The following FAM161A variants were observed in gnomAD, a reference collection of about 807,000 sequenced individuals.
FAM161A encodes the protein protein FAM161A.
FAM161A carries 57 observed loss-of-function variants against 70.9 expected under a neutral mutation model. The observed-to-expected ratio is 0.80, with a 90% CI of 0.65 to 1.00. The LOEUF (loss-of-function observed/expected upper bound fraction) is 1.00. FAM161A is among the 50% of genes least tolerant of loss of function. The probability of loss-of-function intolerance (pLI) is 0.00; values close to 1 mark genes in which losing one functional copy is unlikely to be tolerated. For synonymous variants in FAM161A, 299 were observed against 295.7 expected, an observed-to-expected ratio of 1.01 and a Z score of -0.12; for missense variants, 880 against 836.0, an observed-to-expected ratio of 1.05 and a Z score of -0.65.
the FAM161A span, among the ~76,000 whole-genome samples, chr2:61,819,670 CTTGTTT>C: frequency 6.6e-6 from 1 of 151,940 alleles, no homozygotes; most frequent in Non-Finnish European, 1.5e-5. Flanking sequence ...TATTTTGATT[CTTGTTT>C]TTGTTTCCCA....
chr2:61,834,387 C>T (rs1344538046), intron 5 of FAM161A, among the ~76,000 whole-genome samples: 1 of 151,866 alleles, frequency 6.6e-6, no homozygotes, highest in Non-Finnish European at 1.5e-5. Flanking sequence ...GGGTTGAAAA[C>T]CTACCTATTG....
At position 61,826,438 on chromosome 2, in the gene FAM161A, G is replaced by A. The variant is rs774744427; in HGVS notation, c.*17C>T. ...CTGCAAACAACAGCAAGGGCATAGAGAGGAGACCTTGATGATTCAGTGTGA... is the reference window on the plus strand; with the variant it reads ...CTGCAAACAACAGCAAGGGCATAGAAAGGAGACCTTGATGATTCAGTGTGA... On this transcript the variant is annotated 3_prime_UTR_variant, in exon 7 of 7. Coordinates refer to ENST00000404929, the MANE Select transcript of FAM161A (RefSeq NM_001201543.2). 1 of 1,611,396 alleles carries A rather than the reference G, an allele frequency of 6.2e-7. No homozygotes were observed. The highest frequency in any genetic ancestry group is 1.1e-5 in the South Asian group (1 of 90,510).
At chr2:61,832,249 AC>A (rs201304640) in intron 5 of FAM161A, among the ~76,000 whole-genome samples, 7 of 148,982 alleles carry the variant, frequency 4.7e-5, no homozygotes, top group Non-Finnish European at 3.0e-5. Context: ...TCACACACAC[AC>A]AAAAAAAAAC....
the FAM161A span, among the ~76,000 whole-genome samples, chr2:61,805,842 T>C: frequency 6.6e-6 from 1 of 152,154 alleles, no homozygotes; most frequent in African/African-American, 2.4e-5. Flanking sequence ...GTTTTTTTTT[T>C]CCTAAGCCAA....
At chr2:61,823,252 G>C (rs924158731), downstream of FAM161A, among the ~76,000 whole-genome samples, 1 of 150,478 alleles carries the variant, frequency 6.6e-6, no homozygotes, top group African/African-American at 2.4e-5. Context: ...AGAATCACTT[G>C]AACCTGGGTG....
At chr2:61,838,896 T>A (rs13425608) in intron 3 of FAM161A, among the ~76,000 whole-genome samples, 191 bp from the exon 4 acceptor site, 1,376 of 108,120 alleles carry the variant, frequency 0.013, 14 homozygotes, top group East Asian at 0.019. Context: ...TTATTTATTT[T>A]TTTTGAGATG....
rs1177019437 is a variant in FAM161A at position 61,839,906 on chromosome 2, A to G, written c.1098T>C (p.Gly366=). 8.7e-6 allele frequency: 14 copies of G among 1,614,064 alleles called. No homozygotes were observed. Among genetic ancestry groups the G allele is most frequent in the Non-Finnish European group, 1.2e-5 (14 of 1,180,042 alleles). ...KARPIPRSTY[G]STTNDKLKEE... is the part of the protein sequence containing the mutation. Reference sequence around the variant, plus strand: ...CTTTTAACTTGTCATTGGTAGTTGAACCATAAGTAGATCGAGGAATGGGTC... The same window carrying G: ...CTTTTAACTTGTCATTGGTAGTTGAGCCATAAGTAGATCGAGGAATGGGTC... The change falls in exon 3 of 7, where the codon GGT becomes GGC. Residue 366 remains glycine (G), a synonymous_variant. Coordinates refer to ENST00000404929, the MANE Select transcript of FAM161A (RefSeq NM_001201543.2).
chr2:61,852,654 C>T (rs1022188957), intron 1 of FAM161A, among the ~76,000 whole-genome samples: 3 of 152,146 alleles, frequency 2.0e-5, no homozygotes, highest in African/African-American at 7.2e-5. Flanking sequence ...TGAACAAAAT[C>T]GGTCCTAGCA....
chr2:61,839,307 T>C (rs1457869713), intron 3 of FAM161A, 114 bp downstream of exon 3: 9 of 874,726 alleles, frequency 1.0e-5, no homozygotes, highest in Non-Finnish European at 1.9e-6. Flanking sequence ...AAATATCTTA[T>C]AGATACAATA....
chr2:61,835,972 AAAACTG>A, intron 5 of FAM161A, 32 bp downstream of exon 5: 1 of 1,451,448 alleles, frequency 6.9e-7, no homozygotes, highest in Non-Finnish European at 9.6e-7. Flanking sequence ...AAAAAAAAAA[AAAACTG>A]ACGATAGCTC....
the FAM161A span, among the ~76,000 whole-genome samples, chr2:61,805,694 T>A: frequency 2.0e-5 from 3 of 152,120 alleles, no homozygotes; most frequent in African/African-American, 7.2e-5. Flanking sequence ...AGACCCCAGT[T>A]CAGTCCTGTA....
intron 5 of FAM161A, 48 bp from the exon 6 acceptor site, chr2:61,827,306 T>G: frequency 6.3e-7 from 1 of 1,598,158 alleles, no homozygotes; most frequent in South Asian, 1.1e-5. Context: ...GACTTTAAAT[T>G]TTCATCAAAA....
chr2:61,807,453 T>C, the FAM161A span, among the ~76,000 whole-genome samples: 41 of 151,976 alleles, frequency 2.7e-4, 1 homozygote, highest in Non-Finnish European at 4.7e-4. Context: ...GTTTGTTGTA[T>C]GTCTCTTCTC....
At chr2:61,833,581 C>A (rs1025484907) in intron 5 of FAM161A, among the ~76,000 whole-genome samples, 2 of 152,246 alleles carry the variant, frequency 1.3e-5, no homozygotes, top group East Asian at 3.9e-4. Flanking sequence ...GGTAAGTGTG[C>A]TTCCGAGAGG....
intron 5 of FAM161A, among the ~76,000 whole-genome samples, chr2:61,831,220 T>C (rs1182323289): frequency 6.6e-6 from 1 of 152,090 alleles, no homozygotes; most frequent in East Asian, 1.9e-4. Flanking sequence ...ATACTTTCTT[T>C]CTTGTATTAT....
downstream of FAM161A, among the ~76,000 whole-genome samples, chr2:61,823,015 ATTTG>A (rs975335203): frequency 6.6e-6 from 1 of 151,894 alleles, no homozygotes; most frequent in African/African-American, 2.4e-5. Flanking sequence ...AGGCATGCTT[ATTTG>A]TTTTATTATG....
the FAM161A span, among the ~76,000 whole-genome samples, chr2:61,817,547 C>G: frequency 5.3e-5 from 8 of 152,210 alleles, no homozygotes; most frequent in Admixed American, 3.9e-4. Flanking sequence ...GGATCCTGAG[C>G]ACAGAGCCTG....
rs746372822 is a variant in FAM161A, at chr2:61,840,318, C to T, written c.686G>A (p.Arg229Gln). The T allele has an allele frequency of 2.4e-5, 39 of 1,613,890 alleles. No individual in the cohort carries two copies. The highest frequency in any genetic ancestry group is 1.1e-4 in the East Asian group (5 of 44,882). The change falls in exon 3 of 7, where the codon CGA becomes CAA. Residue 229 changes from arginine to glutamine, a missense_variant. By Grantham distance (43) the Arg-to-Gln change is conservative. Transcript: ENST00000404929. ...FHAAEKRRKK[R>Q]KEWVPTITVP... ...TGTAATTGTGGGCACCCATTCTTTT[C>T]GTTTCTTCCTTCTTTTTTCAGCTGC...
At chr2:61,836,313 C>T in intron 4 of FAM161A, 1 of 523,024 alleles carries the variant, frequency 1.9e-6, no homozygotes, top group Non-Finnish European at 3.4e-6. Context: ...TCATGGAATG[C>T]AGAATAAAAT....
Sources: allele counts gnomAD v4.1 joint callset (sites outside exome capture counted in the v4.1 genomes callset), GRCh38; gene constraint gnomAD v4.1.1; transcripts MANE v1.5; gene names NCBI Gene and HGNC (gene_info 2026-07-23, HGNC 2026-07-21).